PDE6D: variants seen among roughly 807,000 people sequenced by gnomAD.
PDE6D encodes the protein retinal rod rhodopsin-sensitive cGMP 3',5'-cyclic phosphodiesterase subunit delta.
Under a neutral mutation model 21.9 loss-of-function variants are expected in PDE6D, and 10 were observed. The observed-to-expected ratio is 0.46, with a 90% confidence interval of 0.28 to 0.78. The LOEUF (loss-of-function observed/expected upper bound fraction) is 0.78. PDE6D is among the 30% of genes least tolerant of loss of function. The pLI is 0.12. For synonymous variants in PDE6D, 59 were observed against 63.5 expected (o/e 0.93, Z 0.34); for missense variants, 139 against 184.8 (o/e 0.75, Z 1.44).
intron 1 of PDE6D, among the ~76,000 whole-genome samples, chr2:231,742,747 G>A (rs1291952968): frequency 6.6e-6 from 1 of 152,118 alleles, no homozygotes; most frequent in East Asian, 1.9e-4. Context: ...GGCAGTGACT[G>A]CTTTGCACTA....
intron 3 of PDE6D, chr2:231,737,632 T>G: frequency 3.3e-6 from 1 of 307,606 alleles, no homozygotes; most frequent in Admixed American, 4.6e-5. Context: ...GGGGCTTATG[T>G]GCCCTTTACA....
chr2:231,752,837 T>TTTG (rs2048852193), intron 1 of PDE6D, among the ~76,000 whole-genome samples: 1 of 145,224 alleles, frequency 6.9e-6, no homozygotes, highest in Non-Finnish European at 1.5e-5. Flanking sequence ...TTGAGTTTTT[T>TTTG]TTTTTTTTTT....
Position 231,739,308 on chromosome 2 carries a change from C to T in PDE6D, c.51-120G>A. On this transcript the variant is annotated intron_variant, in intron 1 of 4. Transcript: ENST00000287600. This position sits in a 1 kb window ranked among gnomAD's most constrained non-coding sequence, Gnocchi z 4.2. ...ACTTTTTAAAAAGTTTGTCAAACTGCTCATTGCCATGGAAGCACATAAGAA... is the reference window on the plus strand; with the variant it reads ...ACTTTTTAAAAAGTTTGTCAAACTGTTCATTGCCATGGAAGCACATAAGAA... 1 of 764,910 alleles carries T rather than the reference C, an allele frequency of 1.3e-6. No individual in the cohort carries two copies. The highest frequency in any genetic ancestry group is 1.4e-5 in the South Asian group (1 of 73,852). The allele number at this position is 764,910 out of a possible 1,614,324, so 47.4% of individuals were successfully genotyped here. A position where few individuals can be genotyped will look rare whatever the true frequency, so the allele number is the denominator to read the frequency against.
At chr2:231,777,850 G>A (rs368226298) in intron 1 of PDE6D, among the ~76,000 whole-genome samples, 4 of 152,332 alleles carry the variant, frequency 2.6e-5, no homozygotes, top group South Asian at 4.1e-4. Flanking sequence ...GTGTAAATAC[G>A]TTCCAGGTGG....
At chr2:231,762,634 C>G (rs914287129) in intron 1 of PDE6D, among the ~76,000 whole-genome samples, 1 of 152,084 alleles carries the variant, frequency 6.6e-6, no homozygotes, top group African/African-American at 2.4e-5. Flanking sequence ...TGTGAGCCAC[C>G]GTGCCTGGCC....
intron 4 of PDE6D, among the ~76,000 whole-genome samples, chr2:231,735,734 T>TA (rs147028211): frequency 0.27 from 41,157 of 151,322 alleles, 5,881 homozygotes; most frequent in Non-Finnish European, 0.32. Context: ...TTAAAAACTT[T>TA]AAAAAGGGGC....
intron 1 of PDE6D, among the ~76,000 whole-genome samples, chr2:231,764,473 T>C (rs1019838867): frequency 2.6e-5 from 4 of 152,196 alleles, no homozygotes; most frequent in Non-Finnish European, 5.9e-5. Flanking sequence ...AATTTTTTTC[T>C]AATGAGCTAT....
intron 1 of PDE6D, among the ~76,000 whole-genome samples, chr2:231,743,201 G>A (rs1429778449): frequency 1.3e-5 from 2 of 151,944 alleles, no homozygotes; most frequent in Non-Finnish European, 2.9e-5. Flanking sequence ...CGAGGCGGGC[G>A]GATCACGAGG....
At chr2:231,761,892 C>A (rs1406246133) in intron 1 of PDE6D, among the ~76,000 whole-genome samples, 1 of 152,222 alleles carries the variant, frequency 6.6e-6, no homozygotes, top group Non-Finnish European at 1.5e-5. Context: ...GGTCTGTTCA[C>A]ACTACATACC....
rs2048664027 is a variant in PDE6D, at chr2:231,732,978, A to T, written c.427T>A (p.Ser143Thr). The T allele has an allele frequency of 6.2e-7, 1 of 1,612,180 alleles. No individual in the cohort carries two copies. Among genetic ancestry groups the T allele is most frequent in the East Asian group, 2.2e-5 (1 of 44,874 alleles). The stretch of plus-strand genomic sequence containing the variant: ...CAAACATAGAAAAGTCTCACTCTGG[A>T]TGTGCTTACAAGAAGATCGTCGTCA... ...FFDDDLLVSTSRVRLFYV is the reference protein window; with the variant it reads ...FFDDDLLVSTTRVRLFYV The change falls in exon 5 of 5, where the codon TCC becomes ACC. Residue 143 changes from serine (S) to threonine (T), a missense_variant. By Grantham distance (58) the Ser-to-Thr change is moderately conservative. Transcript: ENST00000287600.
intron 4 of PDE6D, 152 bp from the exon 5 acceptor site, chr2:231,733,185 A>G: frequency 1.4e-5 from 9 of 627,454 alleles, no homozygotes; most frequent in South Asian, 1.3e-4. Context: ...ATCCTTGTCT[A>G]TATGGGGCTA....
intron 1 of PDE6D, among the ~76,000 whole-genome samples, chr2:231,761,682 A>G (rs2048931039): frequency 6.6e-6 from 1 of 152,220 alleles, no homozygotes; most frequent in Non-Finnish European, 1.5e-5. Flanking sequence ...CCTCAAAGAA[A>G]CAAGAGTCAG....
intron 1 of PDE6D, chr2:231,768,523 G>T (rs1407776646): frequency 1.3e-5 from 2 of 152,118 alleles, no homozygotes; most frequent in African/African-American, 4.8e-5. Context: ...GAGTTGCTGG[G>T]ATTACAAGCA....
At chr2:231,738,198 C>A in intron 2 of PDE6D, 60 bp from the exon 3 acceptor site, 1 of 1,495,556 alleles carries the variant, frequency 6.7e-7, no homozygotes. Flanking sequence ...GACTATGATG[C>A]TTCAAATTTC....
At chr2:231,741,513 T>C (rs914670987) in intron 1 of PDE6D, among the ~76,000 whole-genome samples, 1 of 152,122 alleles carries the variant, frequency 6.6e-6, no homozygotes, top group African/African-American at 2.4e-5. Flanking sequence ...CCCAAGACAA[T>C]AGCTCTTTAA....
At chr2:231,734,267 C>A (rs994678905) in intron 4 of PDE6D, among the ~76,000 whole-genome samples, 1 of 151,712 alleles carries the variant, frequency 6.6e-6, no homozygotes, top group Non-Finnish European at 1.5e-5. Context: ...TGGTTCCCTA[C>A]TTATAATGAA....
chr2:231,743,344 A>T (rs2048765400), intron 1 of PDE6D, among the ~76,000 whole-genome samples: 1 of 151,178 alleles, frequency 6.6e-6, no homozygotes, highest in African/African-American at 2.4e-5. Flanking sequence ...GAATCGCTTG[A>T]ACAGAGGAGG....
intron 3 of PDE6D, 170 bp downstream of exon 3, chr2:231,737,843 T>C (rs961017924): frequency 4.8e-6 from 3 of 629,220 alleles, no homozygotes; most frequent in Non-Finnish European, 7.9e-6. Flanking sequence ...GCTAGCTTTG[T>C]TTTGGTTTGT....
intron 1 of PDE6D, chr2:231,778,703 G>A (rs1393874708): frequency 6.6e-6 from 1 of 152,244 alleles, no homozygotes. Context: ...TAGGAGCGCA[G>A]GGCTGGAATT....
Sources: gnomAD v4.1 joint callset for allele counts (sites outside exome capture counted in the v4.1 genomes callset) on GRCh38, gnomAD v4.1.1 for gene constraint, Gnocchi (gnomAD v3.1) non-coding constraint, MANE v1.5 for transcripts, NCBI Gene and HGNC (gene_info 2026-07-23, HGNC 2026-07-21) for gene names.